The following OOEP variants were observed in gnomAD, a reference collection of about 807,000 sequenced individuals.
OOEP encodes oocyte-expressed protein homolog.
OOEP carries 16 observed loss-of-function variants against 13.7 expected under a neutral mutation model. The ratio of observed to expected loss-of-function variants is 1.16; its 90% CI spans 0.79 to 1.77. The LOEUF (loss-of-function observed/expected upper bound fraction) is 1.77. Ranked by LOEUF, OOEP falls within the 40% of genes most tolerant of loss-of-function variation. The pLI, the probability that OOEP is intolerant of heterozygous loss-of-function variation, is 0.00. For missense variants in OOEP, 195 were observed against 193.1 expected (o/e 1.01, Z -0.06); for synonymous variants, 89 against 77.1 (o/e 1.15, Z -0.81).
In OOEP at chr6:73,368,604, G is replaced by A; in HGVS notation, c.*180C>T. 1.8e-6 allele frequency: 1 copy of A among 548,892 alleles called. No homozygotes were observed. Among genetic ancestry groups the A allele is most frequent in the Non-Finnish European group, 3.2e-6 (1 of 308,992 alleles). 34.0% of individuals were successfully genotyped at this position (548,892 alleles called of 1,614,324 possible). The stretch of plus-strand genomic sequence containing the variant: ...GTGTGTGAAGATCTTAATGCTTTTG[G>A]CAAAATAGCCATTTCTTTATTAGAA... On this transcript the variant is annotated 3_prime_UTR_variant, in exon 3 of 3. Coordinates refer to ENST00000370359, the MANE Select transcript of OOEP (RefSeq NM_001080507.3).
intron 2 of OOEP, among the ~76,000 whole-genome samples, chr6:73,383,820 C>T (rs998087602): frequency 1.3e-4 from 20 of 152,014 alleles, no homozygotes; most frequent in Admixed American, 6.6e-5. Flanking sequence ...ATGTAAGAGC[C>T]TGGTGCAGTG....
chr6:73,372,903 C>CT (rs1208406446), upstream of OOEP, among the ~76,000 whole-genome samples: 9 of 141,464 alleles, frequency 6.4e-5, no homozygotes, highest in Non-Finnish European at 9.3e-5. Context: ...TTCTCTTTTT[C>CT]TTTCCTTTTT....
intron 2 of OOEP, among the ~76,000 whole-genome samples, chr6:73,390,663 G>A (rs1188859271): frequency 2.7e-5 from 4 of 146,920 alleles, no homozygotes; most frequent in East Asian, 2.0e-4. Context: ...TGCAACCTCC[G>A]CCTCCCAGGT....
chr6:73,377,729 A>G (rs1428612186), intron 2 of OOEP, among the ~76,000 whole-genome samples: 2 of 152,192 alleles, frequency 1.3e-5, no homozygotes, highest in African/African-American at 4.8e-5. Flanking sequence ...GTGCAGTGGC[A>G]TAATCACAGC....
Position 73,386,160 on chromosome 6 carries a change from T to C in OOEP, c.25+8186A>G, listed in dbSNP as rs1407559858. On this transcript the variant is annotated intron_variant, in intron 2 of 3. Transcript: ENST00000370363. ...CCCAGGCTGGAGTGCAATGGCGCGATGTTGGCTCACTGCAACCTCTGCCTC... is the reference window on the plus strand; with the variant it reads ...CCCAGGCTGGAGTGCAATGGCGCGACGTTGGCTCACTGCAACCTCTGCCTC... Among the ~76,000 whole-genome samples, 3 of 151,130 alleles carry C rather than the reference T, an allele frequency of 2.0e-5. No homozygotes were observed. The Admixed American group carries it at 2.0e-4, about 10-fold the overall frequency.
At chr6:73,395,026 G>C (rs917683053) in exon 1 of OOEP, 1 of 1,614,268 alleles carries the variant, frequency 6.2e-7, no homozygotes, top group Non-Finnish European at 8.5e-7. Flanking sequence ...AACAGGTCCT[G>C]AGGGATATAG....
intron 2 of OOEP, among the ~76,000 whole-genome samples, chr6:73,388,249 A>G (rs1250023274): frequency 6.6e-6 from 1 of 152,218 alleles, no homozygotes; most frequent in Admixed American, 6.5e-5. Context: ...CCAAAGTGAA[A>G]TGAAAATACA....
chr6:73,369,766 C>T lies in OOEP; in HGVS notation c.27G>A (p.Glu9=). 6.2e-7 allele frequency: 1 copy of T among 1,613,834 alleles called. No individual in the cohort carries two copies. The highest frequency in any genetic ancestry group is 8.5e-7 in the Non-Finnish European group (1 of 1,179,836). ...CCGGAGTCTGTTTGCCCCGCTGGGA[C>T]TCAGCGGCACCAGCATCATCGACCA... The part of the protein sequence containing the change: MVDDAGAA[E]SQRGKQTPAH... The change falls in exon 1 of 3, where the codon GAG becomes GAA. Residue 9 remains glutamate, a synonymous_variant. Coordinates refer to ENST00000370359, the MANE Select transcript of OOEP (RefSeq NM_001080507.3).
chr6:73,369,214 C>G lies in OOEP; in HGVS notation c.362G>C (p.Arg121Pro). Residue 121 changes from arginine to proline, a missense_variant, in exon 2 of 3, where the codon CGT becomes CCT. Physicochemically the swap from Arg to Pro is moderately radical, Grantham distance 103 (BLOSUM62 -2). Coordinates refer to ENST00000370359, the MANE Select transcript of OOEP (RefSeq NM_001080507.3). ...LCLAWFHREH[R>P]ARAEKMKHLE... ...TTCTCAAAGACCCTCACCTCGGGCA[C>G]GATGTTCTCGGTGAAACCATGCCAG... 2 of 1,610,658 alleles carry G rather than the reference C, an allele frequency of 1.2e-6. No individual in the cohort carries two copies. Among genetic ancestry groups the G allele is most frequent in the Non-Finnish European group, 1.7e-6 (2 of 1,178,502 alleles).
chr6:73,369,138 G>T, intron 2 of OOEP, 68 bp downstream of exon 2: 1 of 1,484,336 alleles, frequency 6.7e-7, no homozygotes, highest in Admixed American at 2.0e-5. Flanking sequence ...GAGGATGGAA[G>T]GAAACCGAGC....
At chr6:73,384,739 CT>C (rs772710975) in intron 2 of OOEP, among the ~76,000 whole-genome samples, 311 of 138,962 alleles carry the variant, frequency 2.2e-3, no homozygotes, top group Non-Finnish European at 2.1e-3. Flanking sequence ...ACAAACAAAC[CT>C]TTTTTTTTTT....
intron 2 of OOEP, among the ~76,000 whole-genome samples, chr6:73,380,109 A>G (rs185920344): frequency 6.6e-6 from 1 of 152,326 alleles, no homozygotes; most frequent in Non-Finnish European, 1.5e-5. Context: ...TGAAATATTT[A>G]ATTTTCCAAA....
chr6:73,371,194 T>C (rs1582623849), upstream of OOEP, among the ~76,000 whole-genome samples: 1 of 152,212 alleles, frequency 6.6e-6, no homozygotes, highest in Admixed American at 6.5e-5. Context: ...TTTCTGCCCC[T>C]GATCCCACCC....
At chr6:73,386,103 T>G (rs1318575617) in intron 2 of OOEP, among the ~76,000 whole-genome samples, 1 of 151,456 alleles carries the variant, frequency 6.6e-6, no homozygotes, top group African/African-American at 2.4e-5. Context: ...TTTTTTTTTT[T>G]TTTTTCCTGA....
intron 2 of OOEP, among the ~76,000 whole-genome samples, chr6:73,382,349 C>T (rs187860969): frequency 3.7e-4 from 56 of 151,158 alleles, no homozygotes; most frequent in Admixed American, 3.5e-3. Context: ...TCCTGAGTAG[C>T]GGGGATTACA....
At chr6:73,387,032 A>AAC (rs140787386) in intron 2 of OOEP, among the ~76,000 whole-genome samples, 4,334 of 149,782 alleles carry the variant, frequency 0.029, 270 homozygotes, top group East Asian at 0.15. Flanking sequence ...AAAGGGCTAA[A>AAC]ACCAAAACTC....
At chr6:73,388,855 A>G (rs1340721586) in intron 2 of OOEP, among the ~76,000 whole-genome samples, 1 of 152,176 alleles carries the variant, frequency 6.6e-6, no homozygotes, top group East Asian at 1.9e-4. Context: ...TGCTGCTCCG[A>G]GAGCCAAGGG....
chr6:73,390,683 TCTC>T, intron 2 of OOEP, among the ~76,000 whole-genome samples: 1 of 151,698 alleles, frequency 6.6e-6, no homozygotes, highest in Admixed American at 6.6e-5. Context: ...TTCAGGCAAT[TCTC>T]CTGCCTCAGC....
At chr6:73,375,916 C>T (rs962761202) in intron 2 of OOEP, among the ~76,000 whole-genome samples, 4 of 151,472 alleles carry the variant, frequency 2.6e-5, no homozygotes, top group East Asian at 1.9e-4. Flanking sequence ...CTCAGCCTCC[C>T]GAGTAGCTGG....
Sources: gnomAD v4.1 joint callset for allele counts (sites outside exome capture counted in the v4.1 genomes callset) on GRCh38, gnomAD v4.1.1 for gene constraint, MANE v1.5 for transcripts, NCBI Gene and HGNC (gene_info 2026-07-23, HGNC 2026-07-21) for gene names.